Variants in TFEC observed in about 807,000 individuals in gnomAD.
TFEC encodes the protein class E basic helix-loop-helix protein 34.
In TFEC, 31 loss-of-function variants were observed where a neutral mutation model predicts 41.6. That is an observed-to-expected ratio of 0.74 (90% confidence interval 0.56 to 1.01). The LOEUF is 1.01. Among genes scored for constraint, TFEC ranks in the 50% least tolerant of loss-of-function variants. The pLI, the probability that TFEC is intolerant of heterozygous loss-of-function variation, is 0.00. For missense variants in TFEC, 402 were observed against 404.1 expected, an observed-to-expected ratio of 0.99 and a Z score of 0.04; for synonymous variants, 143 against 140.6, an observed-to-expected ratio of 1.02 and a Z score of -0.12.
At chr7:116,106,585 T>C (rs2116032382) in intron 3 of TFEC, among the ~76,000 whole-genome samples, 1 of 152,214 alleles carries the variant, frequency 6.6e-6, no homozygotes, top group South Asian at 2.1e-4. Context: ...ACAGGATTTT[T>C]GGCCAGACTG....
intron 3 of TFEC, among the ~76,000 whole-genome samples, chr7:116,065,627 C>T (rs1796677556): frequency 6.6e-6 from 1 of 151,970 alleles, no homozygotes; most frequent in Non-Finnish European, 1.5e-5. Flanking sequence ...ATCAGCAATA[C>T]TTGTGTATGG....
intron 3 of TFEC, among the ~76,000 whole-genome samples, chr7:116,091,507 T>C (rs2115828634): frequency 6.6e-6 from 1 of 152,222 alleles, no homozygotes; most frequent in South Asian, 2.1e-4. Context: ...TACAGGCAAT[T>C]CATAAACATC....
rs34439885 is a variant in TFEC at position 115,954,468 on chromosome 7, G to A, written c.439+118C>T. The stretch of plus-strand genomic sequence containing the variant: ...TCCCAAAATAAATCAAGTTATATGT[G>A]CAATTAATTTTGGCCATCTGACATG... On this transcript the variant is annotated intron_variant, in intron 5 of 7. Coordinates refer to ENST00000265440, the MANE Select transcript of TFEC (RefSeq NM_012252.4). 2.6e-4 allele frequency: 161 copies of A among 618,820 alleles called. No homozygotes were observed. In the East Asian group the frequency reaches 4.5e-3, roughly 17 times the overall value. 38.3% of individuals were successfully genotyped at this position (618,820 alleles called of 1,614,324 possible). A position where few individuals can be genotyped will look rare whatever the true frequency, so the allele number is the denominator to read the frequency against.
At chr7:116,116,466 T>C (rs1438097991) in intron 1 of TFEC, among the ~76,000 whole-genome samples, 1 of 151,826 alleles carries the variant, frequency 6.6e-6, no homozygotes, top group Non-Finnish European at 1.5e-5. Flanking sequence ...GTTACACCAA[T>C]GAAAAAGGCT....
chr7:115,960,251 T>C (rs1253414787), intron 3 of TFEC, among the ~76,000 whole-genome samples: 3 of 151,466 alleles, frequency 2.0e-5, no homozygotes, highest in Non-Finnish European at 3.0e-5. Context: ...TTTTAAAACA[T>C]TGAAAGAAAA....
chr7:115,962,331 G>C (rs902197948), intron 3 of TFEC, among the ~76,000 whole-genome samples: 3 of 151,672 alleles, frequency 2.0e-5, no homozygotes, highest in African/African-American at 7.3e-5. Flanking sequence ...TAAAGAAATA[G>C]AAAAATGCAT....
chr7:116,131,112 A>G (rs1798323387), intron 1 of TFEC, among the ~76,000 whole-genome samples: 1 of 152,188 alleles, frequency 6.6e-6, no homozygotes, highest in South Asian at 2.1e-4. Flanking sequence ...GATTTATGCT[A>G]TTGCCTTATG....
intron 6 of TFEC, 77 bp from the exon 7 acceptor site, chr7:115,942,117 T>C (rs1793538773): frequency 7.1e-7 from 1 of 1,409,172 alleles, no homozygotes; most frequent in African/African-American, 1.4e-5. Context: ...ATCTTTTACA[T>C]TAATATGAAA....
At chr7:116,073,232 T>C (rs1290993772) in intron 3 of TFEC, among the ~76,000 whole-genome samples, 1 of 151,640 alleles carries the variant, frequency 6.6e-6, no homozygotes, top group African/African-American at 2.4e-5. Context: ...AACAATTCCA[T>C]TTACAATGCA....
At chr7:116,016,721 T>C (rs1178537759) in intron 1 of TFEC, among the ~76,000 whole-genome samples, 1 of 151,826 alleles carries the variant, frequency 6.6e-6, no homozygotes, top group Non-Finnish European at 1.5e-5. Flanking sequence ...ATAGTTATAG[T>C]ATATGCATAC....
At chr7:116,152,851 T>C (rs1798789186) in intron 1 of TFEC, among the ~76,000 whole-genome samples, 1 of 152,088 alleles carries the variant, frequency 6.6e-6, no homozygotes, top group Admixed American at 6.5e-5. Flanking sequence ...CAAGCAAAAA[T>C]TATTAGTCAT....
Position 116,007,197 on chromosome 7 carries a change from T to TA in TFEC, c.-72-22685dup, listed in dbSNP as rs531695522. On this transcript the variant is annotated intron_variant, in intron 1 of 7. Coordinates refer to ENST00000265440, the MANE Select transcript of TFEC (RefSeq NM_012252.4). ...GAGTTCTGACTACTGAGAGAACTGA[T>TA]AGAGATCCATGGGAAAGCAACCTAG... Among the ~76,000 whole-genome samples, 1,005 of 152,190 alleles carry TA rather than the reference T, an allele frequency of 6.6e-3. 11 individuals are homozygous for TA. The highest frequency in any genetic ancestry group is 0.023 in the African/African-American group (947 of 41,502).
chr7:116,048,246 G>A lies in TFEC; in HGVS notation c.198+62462C>T, dbSNP rs191039972. Among the ~76,000 whole-genome samples, 908 of 152,292 alleles carry A rather than the reference G, an allele frequency of 6.0e-3. 9 individuals carry two copies. The highest frequency in any genetic ancestry group is 0.02 in the African/African-American group (841 of 41,564). The stretch of plus-strand genomic sequence containing the variant: ...TAAAAACCTTGAAAAAAGATTAGAC[G>A]AATGGCTAACTAGAATAACCAGTGT... On this transcript the variant is annotated intron_variant, in intron 3 of 8. Transcript: ENST00000484212.
chr7:116,116,201 A>C (rs1314076435), intron 1 of TFEC, among the ~76,000 whole-genome samples: 1 of 152,006 alleles, frequency 6.6e-6, no homozygotes, highest in African/African-American at 2.4e-5. Flanking sequence ...TCGACCAAAA[A>C]AATGGAAAAG....
chr7:115,948,127 A>C (rs1332190143), intron 6 of TFEC, among the ~76,000 whole-genome samples: 1 of 151,858 alleles, frequency 6.6e-6, no homozygotes, highest in Non-Finnish European at 1.5e-5. Flanking sequence ...CGACATATAC[A>C]CTCTCCCAAG....
At chr7:116,111,278 C>T (rs568034769) in intron 2 of TFEC, among the ~76,000 whole-genome samples, 1 of 152,056 alleles carries the variant, frequency 6.6e-6, no homozygotes, top group South Asian at 2.1e-4. Flanking sequence ...AAGGTGACTG[C>T]TGGGTTAATA....
At chr7:116,025,413 T>C (rs940090470) in intron 1 of TFEC, among the ~76,000 whole-genome samples, 1 of 152,104 alleles carries the variant, frequency 6.6e-6, no homozygotes, top group East Asian at 1.9e-4. Context: ...TTTCCAATCT[T>C]AGAGCTCCTA....
intron 3 of TFEC, among the ~76,000 whole-genome samples, chr7:116,091,044 T>C (rs533530711): frequency 6.6e-6 from 1 of 151,962 alleles, no homozygotes; most frequent in South Asian, 2.1e-4. Flanking sequence ...CAGCAAACCA[T>C]CATGGCACAT....
At chr7:116,049,409 C>G (rs77510528) in intron 3 of TFEC, among the ~76,000 whole-genome samples, 29,147 of 152,104 alleles carry the variant, frequency 0.19, 2,821 homozygotes, top group East Asian at 0.32. Context: ...GTAAAGGGAT[C>G]AATTCAACAA....
Sources: gnomAD v4.1 joint callset for allele counts (sites outside exome capture counted in the v4.1 genomes callset) on GRCh38, gnomAD v4.1.1 for gene constraint, MANE v1.5 for transcripts, NCBI Gene and HGNC (gene_info 2026-07-23, HGNC 2026-07-21) for gene names.